GLS: variants seen among roughly 807,000 people sequenced by gnomAD.
GLS encodes the protein glutaminase.
A neutral mutation model predicts 86.7 loss-of-function variants in GLS; 36 were observed. The observed-to-expected ratio is 0.42, with a 90% confidence interval of 0.32 to 0.55. The LOEUF (loss-of-function observed/expected upper bound fraction) is 0.55, where lower values mean the gene tolerates loss of function less well. Among genes scored for constraint, GLS ranks in the 20% least tolerant of loss-of-function variants. The probability of loss-of-function intolerance (pLI) is 0.17; values close to 1 mark genes in which losing one functional copy is unlikely to be tolerated. For synonymous variants in GLS, 317 were observed against 305.9 expected, an observed-to-expected ratio of 1.04 and a Z score of -0.38; for missense variants, 528 against 833.4, an observed-to-expected ratio of 0.63 and a Z score of 4.51.
chr2:190,904,984 A>G lies in GLS; in HGVS notation c.816-20A>G. ...TTTTTCCCAGTTGATGTTATTTTTT[A>G]AAAATCTCCTTTTAAATAGGCATTC... On this transcript the variant is annotated intron_variant, in intron 5 of 17. Coordinates refer to ENST00000320717, the MANE Select transcript of GLS (RefSeq NM_014905.5). The G allele has an allele frequency of 7.0e-7, 1 of 1,437,480 alleles. No individual in the cohort carries two copies. Among genetic ancestry groups the G allele is most frequent in the African/African-American group, 1.4e-5 (1 of 70,920 alleles). 89.0% of individuals were successfully genotyped at this position (1,437,480 alleles called of 1,614,324 possible).
chr2:190,943,402 A>C lies in GLS; in HGVS notation c.1651-10163A>C, dbSNP rs983743814. The stretch of plus-strand genomic sequence containing the variant: ...TGTATCAAAGACAGAACCCTAAGAA[A>C]CCATCATTTTAAAGGTAAGATAGAG... On this transcript the variant is annotated intron_variant, in intron 14 of 17. Transcript: ENST00000320717. The surrounding 1 kb of genome is among the most constrained non-coding windows in gnomAD (Gnocchi z 4.5). Among the ~76,000 whole-genome samples the C allele has an allele frequency of 3.9e-5, 6 of 152,174 alleles. No homozygotes were observed. Among genetic ancestry groups the C allele is most frequent in the Admixed American group, 2.6e-4 (4 of 15,280 alleles).
At chr2:190,910,607 C>CT (rs779085975) in intron 7 of GLS, among the ~76,000 whole-genome samples, 164 of 119,818 alleles carry the variant, frequency 1.4e-3, no homozygotes, top group East Asian at 2.6e-3. Flanking sequence ...GGCATAGAGG[C>CT]TTTTTTTTTT....
intron 3 of GLS, 68 bp from the exon 4 acceptor site, chr2:190,900,496 A>G: frequency 1.3e-6 from 1 of 787,080 alleles, no homozygotes; most frequent in Non-Finnish European, 2.0e-6. Flanking sequence ...CCTAATTATT[A>G]CTGTTATTAC....
Position 190,934,082 on chromosome 2 carries a change from A to G in GLS, c.1650+2445A>G, listed in dbSNP as rs951685408. ...TTCACACTTCTTCCTTCTTCCATATACTTCTCTGGTTTTCCCCATAGTTCC... is the reference window on the plus strand; with the variant it reads ...TTCACACTTCTTCCTTCTTCCATATGCTTCTCTGGTTTTCCCCATAGTTCC... On this transcript the variant is annotated intron_variant, in intron 14 of 17. Transcript: ENST00000320717. 4.4e-5 allele frequency: 43 copies of G among 975,926 alleles called. No homozygotes were observed. The African/African-American group carries it at 7.2e-4, about 16-fold the overall frequency. The allele number at this position is 975,926 out of a possible 1,614,324, so 60.5% of individuals were successfully genotyped here. A position where few individuals can be genotyped will look rare whatever the true frequency, so the allele number is the denominator to read the frequency against.
At position 190,943,374 on chromosome 2, in the gene GLS, A is replaced by T. The variant is rs1161905012; in HGVS notation, c.1651-10191A>T. Among the ~76,000 whole-genome samples, 4 of 152,136 alleles carry T rather than the reference A, an allele frequency of 2.6e-5. No individual in the cohort carries two copies. In the East Asian group the frequency reaches 7.7e-4, roughly 29 times the overall value. On this transcript the variant is annotated intron_variant, in intron 14 of 17. Transcript: ENST00000320717. This position sits in a 1 kb window ranked among gnomAD's most constrained non-coding sequence, Gnocchi z 4.5. ...AGGTGATAGTATAAAGTGATAAGGA[A>T]AGTGTATCAAAGACAGAACCCTAAG...
intron 1 of GLS, among the ~76,000 whole-genome samples, chr2:190,886,284 A>G (rs1688376062): frequency 6.6e-6 from 1 of 152,226 alleles, no homozygotes; most frequent in South Asian, 2.1e-4. Flanking sequence ...AACTTTGTCC[A>G]TGATCTGTAA....
At chr2:190,942,802 T>TC (rs530541265) in intron 14 of GLS, among the ~76,000 whole-genome samples, 2 of 152,122 alleles carry the variant, frequency 1.3e-5, no homozygotes, top group South Asian at 4.2e-4. Flanking sequence ...GGGTTATTTT[T>TC]CTAATATAAC....
rs1035961258 is a variant in GLS at position 190,963,130 on chromosome 2, C to T, written c.*144C>T. On this transcript the variant is annotated 3_prime_UTR_variant, in exon 18 of 18. Coordinates refer to ENST00000320717, the MANE Select transcript of GLS (RefSeq NM_014905.5). ...ACTGGAGTTTTCTTCATTGTGCACA[C>T]AGGACAAATCTGATCTCTTTGGGAA... 3.6e-6 allele frequency: 2 copies of T among 561,998 alleles called. No homozygotes were observed. Among genetic ancestry groups the T allele is most frequent in the Non-Finnish European group, 6.1e-6 (2 of 328,158 alleles). 34.8% of individuals were successfully genotyped at this position (561,998 alleles called of 1,614,324 possible).
At position 190,913,418 on chromosome 2, in the gene GLS, T is replaced by C; in HGVS notation, c.1038+3097T>C. 1 of 947,496 alleles carries C rather than the reference T, an allele frequency of 1.1e-6. No individual in the cohort carries two copies. The allele number at this position is 947,496 out of a possible 1,614,324, so 58.7% of individuals were successfully genotyped here. On this transcript the variant is annotated intron_variant, in intron 7 of 17. Coordinates refer to ENST00000320717, the MANE Select transcript of GLS (RefSeq NM_014905.5). This position sits in a 1 kb window ranked among gnomAD's most constrained non-coding sequence, Gnocchi z 6.1. ...TTTTATACTTAAAATGCACATAATT[T>C]TTAAAAATCATAAGGGTATTATACT...
chr2:190,903,440 ATGT>A (rs1689022838), intron 5 of GLS, among the ~76,000 whole-genome samples: 1 of 152,214 alleles, frequency 6.6e-6, no homozygotes, highest in Admixed American at 6.5e-5. Flanking sequence ...GTTGAATTAA[ATGT>A]TGTGTGCTAT....
rs1397716300 is a variant in GLS at position 190,949,242 on chromosome 2, A to G, written c.1651-4323A>G. 6.6e-6 allele frequency among the ~76,000 whole-genome samples: 1 copy of G among 152,196 alleles called. No homozygotes were observed. The highest frequency in any genetic ancestry group is 1.5e-5 in the Non-Finnish European group (1 of 68,032). On this transcript the variant is annotated intron_variant, in intron 14 of 17. Transcript: ENST00000320717. The surrounding 1 kb of genome is among the most constrained non-coding windows in gnomAD (Gnocchi z 4.0). The stretch of plus-strand genomic sequence containing the variant: ...ATCAGGAATGATTTTGGGTTTCTTG[A>G]TACTCCGCTGCTTAGAAACCTGTAG...
rs774934043 is a variant in GLS at position 190,910,348 on chromosome 2, C to G, written c.1038+27C>G. 67 of 1,322,274 alleles carry G rather than the reference C, an allele frequency of 5.1e-5. 1 individual carries two copies. Among genetic ancestry groups the G allele is most frequent in the South Asian group, 1.3e-4 (10 of 76,906 alleles). 81.9% of individuals were successfully genotyped at this position (1,322,274 alleles called of 1,614,324 possible). On this transcript the variant is annotated intron_variant, in intron 7 of 17. Transcript: ENST00000320717. The stretch of plus-strand genomic sequence containing the variant: ...TAAAATGTTGATGTTTCATTTTAAC[C>G]TAGTAAAACTTTTTTTTTTTAACAG...
At position 190,952,759 on chromosome 2, in the gene GLS, G is replaced by A. The variant is rs116136915; in HGVS notation, c.1651-806G>A. ...TAAGACAAAATGGGGAATTTATGAAGTATTTACAAATATTCTATGGTCAAT... is the reference window on the plus strand; with the variant it reads ...TAAGACAAAATGGGGAATTTATGAAATATTTACAAATATTCTATGGTCAAT... On this transcript the variant is annotated intron_variant, in intron 14 of 17. Coordinates refer to ENST00000320717, the MANE Select transcript of GLS (RefSeq NM_014905.5). 5.3e-3 allele frequency among the ~76,000 whole-genome samples: 811 copies of A among 152,278 alleles called. 8 individuals carry two copies. The highest frequency in any genetic ancestry group is 0.018 in the African/African-American group (768 of 41,548).
In GLS at chr2:190,886,957, C is replaced by T. The variant is rs368784066; in HGVS notation, c.386+5487C>T. Among the ~76,000 whole-genome samples, 22 of 150,848 alleles carry T rather than the reference C, an allele frequency of 1.5e-4. No homozygotes were observed. The South Asian group carries it at 3.8e-3, about 26-fold the overall frequency. On this transcript the variant is annotated intron_variant, in intron 1 of 17. Coordinates refer to ENST00000320717, the MANE Select transcript of GLS (RefSeq NM_014905.5). ...AAGAAAGTAATAGTAAAAGGCTGTA[C>T]TACTTCCTTCTTGTGATATTTGAAA...
At chr2:190,944,815 G>A (rs1690539165) in intron 14 of GLS, among the ~76,000 whole-genome samples, 1 of 152,092 alleles carries the variant, frequency 6.6e-6, no homozygotes, top group South Asian at 2.1e-4. Flanking sequence ...TAAATGCAAA[G>A]AATAAAGGTA....
intron 4 of GLS, among the ~76,000 whole-genome samples, chr2:190,901,558 T>C: frequency 6.6e-6 from 1 of 152,022 alleles, no homozygotes; most frequent in Non-Finnish European, 1.5e-5. Flanking sequence ...CTACTTACTT[T>C]TAAATACTTG....
chr2:190,935,946 T>G lies in GLS; in HGVS notation c.1650+4309T>G, dbSNP rs1389109203. ...AGGTCAAATATAGTACTTTACATTT[T>G]TATGTTTAATTAAATCTGCCATTCA... On this transcript the variant is annotated intron_variant, in intron 14 of 17. Transcript: ENST00000320717. This position sits in a 1 kb window ranked among gnomAD's most constrained non-coding sequence, Gnocchi z 4.2. Among the ~76,000 whole-genome samples, 3 of 151,190 alleles carry G rather than the reference T, an allele frequency of 2.0e-5. No individual in the cohort carries two copies. The highest frequency in any genetic ancestry group is 7.2e-5 in the African/African-American group (3 of 41,400).
intron 17 of GLS, among the ~76,000 whole-genome samples, chr2:190,961,689 G>GTTTGT (rs1691004821): frequency 7.4e-6 from 1 of 135,888 alleles, no homozygotes; most frequent in Admixed American, 7.5e-5. Flanking sequence ...TAATTCAGCT[G>GTTTGT]TTTTTTTTTT....
rs1330252333 is a variant in GLS, at chr2:190,951,584, C to A, written c.1651-1981C>A. Among the ~76,000 whole-genome samples the A allele has an allele frequency of 1.3e-5, 2 of 152,120 alleles. No homozygotes were observed. Among genetic ancestry groups the A allele is most frequent in the East Asian group, 3.8e-4 (2 of 5,198 alleles). On this transcript the variant is annotated intron_variant, in intron 14 of 17. Coordinates refer to ENST00000320717, the MANE Select transcript of GLS (RefSeq NM_014905.5). This position sits in a 1 kb window ranked among gnomAD's most constrained non-coding sequence, Gnocchi z 4.2. ...GTCTCAAAAATGAGGAAGCTTTTTA[C>A]TTTGAGCGATGAAAACAGTTTTTAT...
Sources: allele counts gnomAD v4.1 joint callset (sites outside exome capture counted in the v4.1 genomes callset), GRCh38; gene constraint gnomAD v4.1.1; non-coding constraint Gnocchi (gnomAD v3.1); transcripts MANE v1.5; gene names NCBI Gene and HGNC (gene_info 2026-07-23, HGNC 2026-07-21).